THSD7A: variants seen among roughly 807,000 people sequenced by gnomAD.
THSD7A encodes thrombospondin type 1 domain containing 7A.
A neutral mutation model predicts 231.3 loss-of-function variants in THSD7A; 96 were observed. That is an observed-to-expected ratio of 0.41 (90% CI 0.35 to 0.49). The LOEUF is 0.49. THSD7A is among the 20% of genes least tolerant of loss of function. THSD7A has a pLI of 0.05. For missense variants in THSD7A, 2,290 were observed against 2,070.2 expected, an observed-to-expected ratio of 1.11 and a Z score of -2.06; for synonymous variants, 940 against 743.3, an observed-to-expected ratio of 1.26 and a Z score of -4.30.
intron 1 of THSD7A, among the ~76,000 whole-genome samples, chr7:11,707,536 A>G (rs1232446916): frequency 6.6e-6 from 1 of 151,040 alleles, no homozygotes; most frequent in Non-Finnish European, 1.5e-5. Flanking sequence ...GCTAAAATCA[A>G]TACATTCTAT....
At chr7:11,639,784 T>C (rs1205679937) in intron 1 of THSD7A, among the ~76,000 whole-genome samples, 1 of 152,206 alleles carries the variant, frequency 6.6e-6, no homozygotes, top group Non-Finnish European at 1.5e-5. Flanking sequence ...CAAGTCTATA[T>C]GTTATTGCTA....
intron 6 of THSD7A, among the ~76,000 whole-genome samples, chr7:11,536,076 A>G (rs1317001829): frequency 6.6e-6 from 1 of 152,214 alleles, no homozygotes; most frequent in Non-Finnish European, 1.5e-5. Context: ...ATATTAAACA[A>G]TCTTAATGTC....
intron 2 of THSD7A, among the ~76,000 whole-genome samples, chr7:11,608,821 T>C (rs1780823086): frequency 6.6e-6 from 1 of 152,054 alleles, no homozygotes; most frequent in Non-Finnish European, 1.5e-5. Context: ...TTAAATCCAA[T>C]ATAATGGTTC....
chr7:11,800,561 A>C (rs1050463363), intron 1 of THSD7A, among the ~76,000 whole-genome samples: 1 of 152,156 alleles, frequency 6.6e-6, no homozygotes, highest in African/African-American at 2.4e-5. Context: ...AAAAAGAAAA[A>C]AAATATCGTA....
At chr7:11,830,063 G>T (rs1251391648) in intron 1 of THSD7A, among the ~76,000 whole-genome samples, 1 of 152,132 alleles carries the variant, frequency 6.6e-6, no homozygotes, top group Non-Finnish European at 1.5e-5. Context: ...TAAGTGAACT[G>T]CCAAAATTCC....
rs1242247921 is a variant in THSD7A at position 11,374,419 on chromosome 7, T to G, written c.*1375A>C. Reference sequence around the variant, plus strand: ...GAAATCATACATTGAAGAGAGAGATTGCTTCAAATTTTGCCAGTGAGAAAG... The same window carrying G: ...GAAATCATACATTGAAGAGAGAGATGGCTTCAAATTTTGCCAGTGAGAAAG... On this transcript the variant is annotated 3_prime_UTR_variant, in exon 28 of 28. Coordinates refer to ENST00000423059, the MANE Select transcript of THSD7A (RefSeq NM_015204.3). The G allele has an allele frequency of 6.6e-6, 1 of 152,074 alleles. No homozygotes were observed. Among genetic ancestry groups the G allele is most frequent in the Non-Finnish European group, 1.5e-5 (1 of 67,982 alleles). 9.4% of individuals were successfully genotyped at this position (152,074 alleles called of 1,614,324 possible). A position where few individuals can be genotyped will look rare whatever the true frequency, so the allele number is the denominator to read the frequency against.
At chr7:11,480,916 C>A (rs550282429) in intron 7 of THSD7A, among the ~76,000 whole-genome samples, 1 of 128,004 alleles carries the variant, frequency 7.8e-6, no homozygotes, top group East Asian at 2.3e-4. Flanking sequence ...TTTATCAGTG[C>A]TAAATGTGAA....
chr7:11,720,711 T>A (rs1356104248), intron 1 of THSD7A, among the ~76,000 whole-genome samples: 1 of 151,772 alleles, frequency 6.6e-6, no homozygotes, highest in African/African-American at 2.4e-5. Context: ...ATGGCTACTA[T>A]AGACATCTAC....
intron 23 of THSD7A, chr7:11,385,791 C>T (rs567225196): frequency 1.3e-5 from 2 of 152,264 alleles, no homozygotes; most frequent in African/African-American, 4.8e-5. Flanking sequence ...CATAGGTATA[C>T]ACGTGACATG....
At chr7:11,820,539 CT>C in intron 1 of THSD7A, 3 of 745,234 alleles carry the variant, frequency 4.0e-6, no homozygotes, top group South Asian at 1.8e-5. Flanking sequence ...TTACCGGTTT[CT>C]TTTTTGAAAA....
intron 1 of THSD7A, among the ~76,000 whole-genome samples, chr7:11,824,476 G>C (rs1002489743): frequency 1.3e-5 from 2 of 152,074 alleles, no homozygotes; most frequent in African/African-American, 4.8e-5. Context: ...ATGGGCAGAA[G>C]AAAATCTAGA....
intron 2 of THSD7A, among the ~76,000 whole-genome samples, chr7:11,631,849 A>G (rs1781666761): frequency 6.6e-6 from 1 of 152,154 alleles, no homozygotes; most frequent in Non-Finnish European, 1.5e-5. Context: ...GGCCTGGTGC[A>G]GGAGGAGGAG....
intron 1 of THSD7A, among the ~76,000 whole-genome samples, chr7:11,740,020 T>C (rs1436720257): frequency 6.6e-6 from 1 of 151,942 alleles, no homozygotes. Flanking sequence ...CTCCTGACAG[T>C]CTGTCATGAG....
intron 1 of THSD7A, among the ~76,000 whole-genome samples, chr7:11,647,873 T>C (rs374741685): frequency 2.4e-4 from 37 of 152,168 alleles, no homozygotes; most frequent in African/African-American, 8.4e-4. Context: ...ACTGCGTCCA[T>C]ACATAGCACC....
At position 11,446,231 on chromosome 7, in the gene THSD7A, G is replaced by A. The variant is rs913183386; in HGVS notation, c.2894C>T (p.Pro965Leu). The change falls in exon 13 of 28, where the codon CCT (proline) becomes CTT (leucine). Residue 965 changes from proline to leucine, a missense_variant. Physicochemically the swap from Pro to Leu is moderately conservative, Grantham distance 98. Transcript: ENST00000423059. The surrounding 1 kb of genome is among the most constrained non-coding windows in gnomAD (Gnocchi z 4.0). ...AATACAGTCTGACCAGTTCCCCACA[G>A]GTTGTGCATTATATTTGTCACAAGG... ...YCPCDKYNAQ[P>L]VGNWSDCILP... The A allele has an allele frequency of 3.7e-6, 6 of 1,613,342 alleles. No homozygotes were observed. Among genetic ancestry groups the A allele is most frequent in the Admixed American group, 1.7e-5 (1 of 59,910 alleles).
chr7:11,768,649 G>C (rs1783106343), intron 1 of THSD7A, among the ~76,000 whole-genome samples: 1 of 152,114 alleles, frequency 6.6e-6, no homozygotes, highest in African/African-American at 2.4e-5. Flanking sequence ...TGAGTTCACA[G>C]TTTCATTAAA....
At chr7:11,395,760 T>A (rs1172396406) in intron 23 of THSD7A, among the ~76,000 whole-genome samples, 1 of 152,072 alleles carries the variant, frequency 6.6e-6, no homozygotes, top group African/African-American at 2.4e-5. Context: ...ACTACCGACC[T>A]TGTAATCCGC....
At chr7:11,801,498 A>G (rs766677790) in intron 1 of THSD7A, among the ~76,000 whole-genome samples, 11 of 152,346 alleles carry the variant, frequency 7.2e-5, no homozygotes, top group Middle Eastern at 3.4e-3. Flanking sequence ...TGCCAGAAAC[A>G]AAATTTTAAC....
intron 6 of THSD7A, among the ~76,000 whole-genome samples, chr7:11,496,435 T>G (rs543002130): frequency 4.6e-5 from 7 of 152,252 alleles, no homozygotes; most frequent in Non-Finnish European, 1.5e-5. Context: ...GCCCATAGTA[T>G]GGAAAACACT....
Sources: allele counts gnomAD v4.1 joint callset (sites outside exome capture counted in the v4.1 genomes callset), GRCh38; gene constraint gnomAD v4.1.1; non-coding constraint Gnocchi (gnomAD v3.1); transcripts MANE v1.5; gene names NCBI Gene and HGNC (gene_info 2026-07-23, HGNC 2026-07-21).